MMP16: variants seen among roughly 807,000 people sequenced by gnomAD.
MMP16 encodes the protein matrix metalloproteinase-16.
MMP16 carries 12 observed loss-of-function variants against 67.8 expected under a neutral mutation model. The observed-to-expected ratio is 0.18, with a 90% CI of 0.11 to 0.29. The LOEUF (loss-of-function observed/expected upper bound fraction) is 0.29. Among genes scored for constraint, MMP16 ranks in the 10% least tolerant of loss-of-function variants. MMP16 has a pLI of 1.00. For synonymous variants in MMP16, 249 were observed against 255.9 expected (o/e 0.97, Z 0.26); for missense variants, 475 against 765.7 (o/e 0.62, Z 4.48).
chr8:88,118,706 T>C lies in MMP16; in HGVS notation c.865A>G (p.Ile289Val). The part of the protein sequence containing the change: ...PNDDLQGIQK[I>V]YGPPDKIPPP... Reference sequence around the variant, plus strand: ...TGAAACAGTAGTAACCTACCATATATCTTCTGGATGCCCTGTAAATCATCA... The same window carrying C: ...TGAAACAGTAGTAACCTACCATATACCTTCTGGATGCCCTGTAAATCATCA... The change falls in exon 5 of 10, where the codon ATA (isoleucine) becomes GTA (valine). Residue 289 changes from isoleucine (I) to valine (V), a missense_variant. Ile to Val is a conservative substitution (Grantham distance 29). Transcript: ENST00000286614. 1.2e-6 allele frequency: 2 copies of C among 1,612,926 alleles called. No homozygotes were observed. Among genetic ancestry groups the C allele is most frequent in the Middle Eastern group, 1.7e-4 (1 of 6,052 alleles).
At chr8:88,317,965 CTAAA>C (rs1811400027) in intron 1 of MMP16, among the ~76,000 whole-genome samples, 1 of 152,110 alleles carries the variant, frequency 6.6e-6, no homozygotes, top group Admixed American at 6.5e-5. Context: ...TTATATTAAA[CTAAA>C]TAAATATTTT....
chr8:88,105,800 C>A (rs1809227639), intron 6 of MMP16, among the ~76,000 whole-genome samples: 2 of 151,252 alleles, frequency 1.3e-5, no homozygotes, highest in South Asian at 4.2e-4. Context: ...ATCATTAAAT[C>A]TCTGCTATTA....
intron 6 of MMP16, among the ~76,000 whole-genome samples, chr8:88,095,279 T>G (rs1809006854): frequency 6.6e-6 from 1 of 151,818 alleles, no homozygotes; most frequent in Non-Finnish European, 1.5e-5. Context: ...TGTGTTTTTG[T>G]TGTTGTTCTT....
intron 4 of MMP16, 39 bp from the exon 5 acceptor site, chr8:88,118,900 A>C (rs1271938941): frequency 6.3e-7 from 1 of 1,578,822 alleles, no homozygotes; most frequent in Non-Finnish European, 8.7e-7. Flanking sequence ...TGTAACTAAT[A>C]TCCAAATACA....
chr8:88,049,822 G>C (rs1808246948), intron 8 of MMP16, among the ~76,000 whole-genome samples: 1 of 151,910 alleles, frequency 6.6e-6, no homozygotes, highest in African/African-American at 2.4e-5. Context: ...CCACGAGTTT[G>C]AGAACAGCCT....
chr8:88,289,141 G>A (rs79127363), intron 1 of MMP16, among the ~76,000 whole-genome samples: 1 of 152,280 alleles, frequency 6.6e-6, no homozygotes, highest in African/African-American at 2.4e-5. Context: ...GACAGAGAGA[G>A]AGAGAGAGAC....
intron 4 of MMP16, among the ~76,000 whole-genome samples, chr8:88,147,776 T>TG (rs1297569976): frequency 2.3e-4 from 32 of 137,252 alleles, no homozygotes; most frequent in African/African-American, 7.3e-4. Context: ...AAAATATGTG[T>TG]TTGTGTGTGT....
intron 1 of MMP16, among the ~76,000 whole-genome samples, chr8:88,286,393 C>T (rs1810832333): frequency 6.6e-6 from 1 of 152,248 alleles, no homozygotes; most frequent in Non-Finnish European, 1.5e-5. Context: ...GACAGTCCAA[C>T]CAAAACCTTT....
chr8:88,291,870 T>C (rs1810930485), intron 1 of MMP16, among the ~76,000 whole-genome samples: 1 of 152,216 alleles, frequency 6.6e-6, no homozygotes, highest in African/African-American at 2.4e-5. Context: ...AATGACTTGA[T>C]ATTCACTAGA....
rs4043665 is a variant in MMP16, at chr8:88,186,602, CAAAA to C, written c.282-8_282-5del. ...GCATCGGGGCTTCTTCATCCAGCTG[CAAAA>C]AAAAAAAAAAAAAAAAAAAAGCAGT... On this transcript the variant is annotated splice_region_variant and splice_polypyrimidine_tract_variant and intron_variant, in intron 2 of 9. Transcript: ENST00000286614. 41,246 of 1,115,286 alleles carry C rather than the reference CAAAA, an allele frequency of 0.037. 2 individuals carry two copies. Among genetic ancestry groups the C allele is most frequent in the East Asian group, 0.047 (1,365 of 28,888 alleles). The allele number at this position is 1,115,286 out of a possible 1,614,324, so 69.1% of individuals were successfully genotyped here. A position where few individuals can be genotyped will look rare whatever the true frequency, so the allele number is the denominator to read the frequency against.
chr8:88,181,800 G>T (rs1185011839), intron 3 of MMP16, among the ~76,000 whole-genome samples: 1 of 151,990 alleles, frequency 6.6e-6, no homozygotes, highest in African/African-American at 2.4e-5. Context: ...AACATAGGGT[G>T]ATATTGGATT....
intron 4 of MMP16, among the ~76,000 whole-genome samples, chr8:88,138,268 G>A (rs1306814777): frequency 6.6e-6 from 1 of 151,922 alleles, no homozygotes; most frequent in African/African-American, 2.4e-5. Flanking sequence ...AGACTGAGGA[G>A]TCTGGTTACA....
chr8:88,065,507 T>C (rs1808452874), intron 7 of MMP16, among the ~76,000 whole-genome samples: 1 of 152,054 alleles, frequency 6.6e-6, no homozygotes, highest in Non-Finnish European at 1.5e-5. Flanking sequence ...TCCATAAATA[T>C]TTATAATTCA....
At chr8:88,262,200 A>C (rs1489593303) in intron 1 of MMP16, among the ~76,000 whole-genome samples, 1 of 152,256 alleles carries the variant, frequency 6.6e-6, no homozygotes, top group Non-Finnish European at 1.5e-5. Flanking sequence ...TGCAGCAGTG[A>C]GATGTATTAT....
chr8:88,184,308 T>G (rs978667051), intron 3 of MMP16, among the ~76,000 whole-genome samples: 3 of 152,012 alleles, frequency 2.0e-5, no homozygotes, highest in Admixed American at 2.0e-4. Flanking sequence ...ATATTTTAGT[T>G]TTAAAAATCT....
At chr8:88,146,169 G>C (rs928739590) in intron 4 of MMP16, among the ~76,000 whole-genome samples, 2 of 151,812 alleles carry the variant, frequency 1.3e-5, no homozygotes, top group South Asian at 4.1e-4. Flanking sequence ...TCAATGTGAT[G>C]GGTAAAATTC....
intron 6 of MMP16, among the ~76,000 whole-genome samples, chr8:88,104,469 A>G (rs1263717946): frequency 3.3e-5 from 5 of 151,606 alleles, no homozygotes; most frequent in Non-Finnish European, 7.4e-5. Context: ...AAAAATTCCA[A>G]TTGCCTAGTG....
chr8:88,154,956 T>G, intron 4 of MMP16, among the ~76,000 whole-genome samples: 1 of 152,196 alleles, frequency 6.6e-6, no homozygotes, highest in South Asian at 2.1e-4. Context: ...GCAGTATAGA[T>G]CATTAATATT....
At chr8:88,072,530 G>A (rs1808576613) in intron 7 of MMP16, among the ~76,000 whole-genome samples, 1 of 152,020 alleles carries the variant, frequency 6.6e-6, no homozygotes, top group Non-Finnish European at 1.5e-5. Flanking sequence ...CATTTCCTGA[G>A]GTTGACAATG....
Sources: allele counts gnomAD v4.1 joint callset (sites outside exome capture counted in the v4.1 genomes callset), GRCh38; gene constraint gnomAD v4.1.1; transcripts MANE v1.5; gene names NCBI Gene and HGNC (gene_info 2026-07-23, HGNC 2026-07-21).